SRM: variants seen among roughly 807,000 people sequenced by gnomAD.
SRM encodes spermidine synthase, also known as putrescine aminopropyltransferase.
A neutral mutation model predicts 39.3 loss-of-function variants in SRM; 14 were observed. The observed-to-expected ratio is 0.36, with a 90% CI of 0.24 to 0.56. SRM has a LOEUF of 0.56. Among genes scored for constraint, SRM ranks in the 20% least tolerant of loss-of-function variants. SRM has a pLI of 0.86. For synonymous variants in SRM, 195 were observed against 173.1 expected (o/e 1.13, Z -0.99); for missense variants, 244 against 409.2 (o/e 0.60, Z 3.48).
rs1638953289 is a variant in SRM at position 11,059,951 on chromosome 1, G to A, written c.-8C>T. 3.8e-6 allele frequency: 4 copies of A among 1,050,832 alleles called. No individual in the cohort carries two copies. The highest frequency in any genetic ancestry group is 4.3e-4 in the Middle Eastern group (1 of 2,312). The allele number at this position is 1,050,832 out of a possible 1,614,324, so 65.1% of individuals were successfully genotyped here. A position where few individuals can be genotyped will look rare whatever the true frequency, so the allele number is the denominator to read the frequency against. The stretch of plus-strand genomic sequence containing the variant: ...GTCGGGGCCGGGCTCCATGGCGGGC[G>A]GGCGGGCGGCGCGGGGCGCGGGCCC... On this transcript the variant is annotated 5_prime_UTR_variant, in exon 1 of 8. Coordinates refer to ENST00000376957, the MANE Select transcript of SRM (RefSeq NM_003132.3).
Position 11,055,120 on chromosome 1 carries a change from CTTTTTT to C in SRM, c.766-42_766-37del. On this transcript the variant is annotated intron_variant, in intron 6 of 7. Transcript: ENST00000376957. ...GGCCAGGGGCACATCAGGGGGGGCA[CTTTTTT>C]TTTTTTTTTTTTGAGACGGAGTCTC... The C allele has an allele frequency of 6.9e-6, 10 of 1,441,700 alleles. No individual in the cohort carries two copies. In the Admixed American group the frequency reaches 9.8e-5, roughly 14 times the overall value. 89.3% of individuals were successfully genotyped at this position (1,441,700 alleles called of 1,614,324 possible).
At chr1:11,055,439 G>A (rs1274013982) in intron 6 of SRM, among the ~76,000 whole-genome samples, 2 of 148,702 alleles carry the variant, frequency 1.3e-5, no homozygotes, top group African/African-American at 5.0e-5. Flanking sequence ...TTTTGAGTCG[G>A]AATCTTCCTC....
At chr1:11,058,368 C>T (rs1638916501) in intron 3 of SRM, among the ~76,000 whole-genome samples, 1 of 151,956 alleles carries the variant, frequency 6.6e-6, no homozygotes, top group African/African-American at 2.4e-5. Context: ...CCGAGACCAG[C>T]CTGACCAACA....
intron 3 of SRM, among the ~76,000 whole-genome samples, chr1:11,058,200 T>G (rs1638913660): frequency 6.6e-6 from 1 of 152,162 alleles, no homozygotes; most frequent in African/African-American, 2.4e-5. Flanking sequence ...GAGCAGCTAC[T>G]GAGTGTAAGG....
At chr1:11,055,156 T>C in intron 6 of SRM, 72 bp from the exon 7 acceptor site, 1 of 1,502,748 alleles carries the variant, frequency 6.7e-7, no homozygotes, top group Non-Finnish European at 8.8e-7. Context: ...AGTCTCACTG[T>C]TGCCACGCTG....
chr1:11,059,575 G>A (rs1165303271), intron 1 of SRM: 19 of 908,870 alleles, frequency 2.1e-5, no homozygotes, highest in Non-Finnish European at 3.1e-5. Context: ...GTGGAGCGGG[G>A]CGCAGACTCC....
intron 3 of SRM, among the ~76,000 whole-genome samples, chr1:11,058,101 G>A (rs115373015): frequency 0.01 from 1,587 of 152,214 alleles, 37 homozygotes; most frequent in African/African-American, 0.037. Context: ...CTTTAACTAG[G>A]ACATCAGCTC....
At chr1:11,055,744 T>G in intron 6 of SRM, 37 bp downstream of exon 6, 1 of 1,336,824 alleles carries the variant, frequency 7.5e-7, no homozygotes, top group Non-Finnish European at 1.0e-6. Context: ...ATGCCCACCT[T>G]CCCCCCAACC....
At position 11,055,055 on chromosome 1, in the gene SRM, C is replaced by T. The variant is rs1022003217; in HGVS notation, c.795G>A (p.Pro265=). The T allele has an allele frequency of 3.1e-6, 5 of 1,610,672 alleles. No homozygotes were observed. Among genetic ancestry groups the T allele is most frequent in the Non-Finnish European group, 4.2e-6 (5 of 1,178,876 alleles). Residue 265 remains proline, a synonymous_variant, in exon 7 of 8, where the codon CCG becomes CCA. Coordinates refer to ENST00000376957, the MANE Select transcript of SRM (RefSeq NM_003132.3). ...TCTGCGCCACCTGCTGCTGTGTCAG[C>T]GGCTGCACCGGCTCCTGGAAGTTCG... is the stretch of plus-strand genomic sequence containing the variant. ...PSTNFQEPVQ[P]LTQQQVAQMQ...
Position 11,055,782 on chromosome 1 carries a change from G to C in SRM, c.764C>G (p.Pro255Arg), listed in dbSNP as rs1344396075. The change falls in exon 6 of 8, where the codon CCG becomes CGG. Residue 255 changes from proline (P) to arginine (R), a missense_variant and splice_region_variant. Pro to Arg is a moderately radical substitution (Grantham distance 103). Transcript: ENST00000376957. ...QIGFMLCSKN[P>R]STNFQEPVQP... ...CACCCCCAGACACCCCCATCTCACC[G>C]GGTTCTTGCTGCACAGCATGAAGCC... 1.1e-5 allele frequency: 12 copies of C among 1,084,634 alleles called. No homozygotes were observed. The highest frequency in any genetic ancestry group is 7.8e-5 in the South Asian group (6 of 77,372). The allele number at this position is 1,084,634 out of a possible 1,614,324, so 67.2% of individuals were successfully genotyped here. A position where few individuals can be genotyped will look rare whatever the true frequency, so the allele number is the denominator to read the frequency against.
intron 3 of SRM, among the ~76,000 whole-genome samples, chr1:11,057,194 G>A (rs1038550961): frequency 6.6e-6 from 1 of 152,250 alleles, no homozygotes; most frequent in East Asian, 1.9e-4. Context: ...GTAAAGCGGG[G>A]AGAACTCTGG....
Position 11,058,786 on chromosome 1 carries a change from A to T in SRM, c.381+14T>A, listed in dbSNP as rs548821788. 10 of 1,598,024 alleles carry T rather than the reference A, an allele frequency of 6.3e-6. No homozygotes were observed. The African/African-American group carries it at 8.0e-5, about 13-fold the overall frequency. On this transcript the variant is annotated intron_variant, in intron 3 of 7. Transcript: ENST00000376957. Reference sequence around the variant, plus strand: ...AGAACCAGGACTCAAACCTGGCTCTACGCCGGCACTCACCTCGTCGATCTC... The same window carrying T: ...AGAACCAGGACTCAAACCTGGCTCTTCGCCGGCACTCACCTCGTCGATCTC...
chr1:11,058,340 C>A (rs1638916074), intron 3 of SRM, among the ~76,000 whole-genome samples: 7 of 152,042 alleles, frequency 4.6e-5, no homozygotes, highest in Admixed American at 4.6e-4. Flanking sequence ...GCTGGCGGAT[C>A]ACCTGTGGTC....
In SRM at chr1:11,058,626, C is replaced by T. The variant is rs562430220; in HGVS notation, c.381+174G>A. On this transcript the variant is annotated intron_variant, in intron 3 of 7. Transcript: ENST00000376957. ...AGAGCTCGCCACGCAGGTGCCCTCA[C>T]CACCTGCCAGGCCCTCTGCCATCTG... 49 of 516,510 alleles carry T rather than the reference C, an allele frequency of 9.5e-5. 1 individual carries two copies. The South Asian group carries it at 1.5e-3, about 16-fold the overall frequency. 32.0% of individuals were successfully genotyped at this position (516,510 alleles called of 1,614,324 possible).
chr1:11,055,931 G>A lies in SRM; in HGVS notation c.620-5C>T, dbSNP rs199909827. Reference sequence around the variant, plus strand: ...GGTGCAGCCACTGGCACTCGCCTGGGGGCCCCTAAGCATCAGCATCCGGCA... The same window carrying A: ...GGTGCAGCCACTGGCACTCGCCTGGAGGCCCCTAAGCATCAGCATCCGGCA... On this transcript the variant is annotated splice_polypyrimidine_tract_variant and splice_region_variant and intron_variant, in intron 5 of 7. Transcript: ENST00000376957. 1.2e-4 allele frequency: 192 copies of A among 1,597,066 alleles called. No homozygotes were observed. In the African/African-American group the frequency reaches 2.1e-3, roughly 18 times the overall value.
intron 3 of SRM, among the ~76,000 whole-genome samples, chr1:11,057,473 TTTTTTA>T (rs1303896072): frequency 1.7e-4 from 25 of 149,400 alleles, no homozygotes; most frequent in Non-Finnish European, 2.5e-4. Flanking sequence ...TTTTTTTTTT[TTTTTTA>T]TTTTTAGTAG....
rs1240061624 is a variant in SRM, at chr1:11,058,806, G to A, written c.375C>T (p.Ile125=). The A allele has an allele frequency of 1.9e-6, 3 of 1,608,744 alleles. No individual in the cohort carries two copies. The highest frequency in any genetic ancestry group is 2.5e-6 in the Non-Finnish European group (3 of 1,178,452). ...PSVESVVQCE[I]DEDVIQVSKK... ...GCTCTACGCCGGCACTCACCTCGTC[G>A]ATCTCACACTGGACCACGGACTCCA... is the stretch of plus-strand genomic sequence containing the variant. Residue 125 remains isoleucine (I), a synonymous_variant, in exon 3 of 8, where the codon ATC becomes ATT. Coordinates refer to ENST00000376957, the MANE Select transcript of SRM (RefSeq NM_003132.3).
chr1:11,056,599 C>T lies in SRM; in HGVS notation c.535+5G>A. On this transcript the variant is annotated splice_donor_5th_base_variant and intron_variant, in intron 4 of 7. Coordinates refer to ENST00000376957, the MANE Select transcript of SRM (RefSeq NM_003132.3). ...AGAAAACCCTGGGGCCCATCCACTG[C>T]TTACCCATGGGGTCTGAGGAGTCAG... The T allele has an allele frequency of 6.2e-7, 1 of 1,613,962 alleles. No homozygotes were observed. The highest frequency in any genetic ancestry group is 8.5e-7 in the Non-Finnish European group (1 of 1,179,930).
At chr1:11,058,493 G>A (rs577185478) in intron 3 of SRM, among the ~76,000 whole-genome samples, 17 of 151,342 alleles carry the variant, frequency 1.1e-4, no homozygotes, top group African/African-American at 3.6e-4. Flanking sequence ...CCCAGGAGGT[G>A]GAGGTTGCAG....
Sources: allele counts gnomAD v4.1 joint callset (sites outside exome capture counted in the v4.1 genomes callset), GRCh38; gene constraint gnomAD v4.1.1; transcripts MANE v1.5; gene names NCBI Gene and HGNC (gene_info 2026-07-23, HGNC 2026-07-21).